DNAH9: variants seen among roughly 807,000 people sequenced by gnomAD.
The protein encoded by DNAH9 is DNAH9 variant protein.
Under a neutral mutation model 471.6 loss-of-function variants are expected in DNAH9, and 345 were observed. That is an observed-to-expected ratio of 0.73 (90% CI 0.67 to 0.80). DNAH9 has a LOEUF of 0.80. Among genes scored for constraint, DNAH9 ranks in the 30% least tolerant of loss-of-function variants. DNAH9 has a pLI of 0.00. For synonymous variants in DNAH9, 2,093 were observed against 2,123.6 expected, an observed-to-expected ratio of 0.99 and a Z score of 0.40; for missense variants, 5,407 against 5,609.2, an observed-to-expected ratio of 0.96 and a Z score of 1.15.
In DNAH9 at chr17:11,654,121, C is replaced by CTT. The variant is rs1567694351; in HGVS notation, c.2595+1119_2595+1120insTT. On this transcript the variant is annotated intron_variant, in intron 14 of 68. Coordinates refer to ENST00000262442, the MANE Select transcript of DNAH9 (RefSeq NM_001372.4). The stretch of plus-strand genomic sequence containing the variant: ...TTGTAATCCCAGCACTTTGGGAGGC[C>CTT]GAGGCGGGCGGATCACGAGGTCAGG... 3.0e-5 allele frequency among the ~76,000 whole-genome samples: 2 copies of CTT among 66,656 alleles called. 1 individual carries two copies. The highest frequency in any genetic ancestry group is 7.3e-5 in the Non-Finnish European group (2 of 27,384). The allele number at this position is 66,656 out of a possible 152,430, so 43.7% of individuals were successfully genotyped here.
chr17:11,685,891 G>A (rs578131940), intron 19 of DNAH9, among the ~76,000 whole-genome samples: 7 of 145,134 alleles, frequency 4.8e-5, no homozygotes, highest in Middle Eastern at 3.8e-3. Flanking sequence ...TGCAATCTCC[G>A]TCTCCCGGGT....
At chr17:11,634,029 T>G (rs2073116034) in intron 8 of DNAH9, among the ~76,000 whole-genome samples, 1 of 152,142 alleles carries the variant, frequency 6.6e-6, no homozygotes, top group Non-Finnish European at 1.5e-5. Context: ...GTTCCAGAAT[T>G]CCAATCCTTG....
At position 11,780,872 on chromosome 17, in the gene DNAH9, A is replaced by G. The variant is rs62063192; in HGVS notation, c.7553-137A>G. On this transcript the variant is annotated intron_variant, in intron 38 of 68. Coordinates refer to ENST00000262442, the MANE Select transcript of DNAH9 (RefSeq NM_001372.4). ...CCTGTTGGGAGCAGCAGTAGCTGTT[A>G]TTATTGTTGTCTTTCGCGTTGCTGT... The G allele has an allele frequency of 0.21, 181,169 of 849,870 alleles. 20,520 individuals carry two copies. The highest frequency in any genetic ancestry group is 0.33 in the African/African-American group (19,503 of 58,244). 52.6% of individuals were successfully genotyped at this position (849,870 alleles called of 1,614,324 possible). A position where few individuals can be genotyped will look rare whatever the true frequency, so the allele number is the denominator to read the frequency against.
chr17:11,907,605 C>T (rs188131218), intron 61 of DNAH9, among the ~76,000 whole-genome samples: 12 of 152,220 alleles, frequency 7.9e-5, no homozygotes, highest in Admixed American at 5.2e-4. Context: ...GGGGTCCATT[C>T]AGAATGGCTG....
chr17:11,672,800 A>G (rs1449592134), intron 17 of DNAH9, among the ~76,000 whole-genome samples: 1 of 152,110 alleles, frequency 6.6e-6, no homozygotes, highest in Admixed American at 6.5e-5. Flanking sequence ...GGGCTCAGAG[A>G]ATGATGGGGA....
At chr17:11,865,006 C>A (rs1971992213) in intron 50 of DNAH9, among the ~76,000 whole-genome samples, 1 of 152,116 alleles carries the variant, frequency 6.6e-6, no homozygotes, top group Non-Finnish European at 1.5e-5. Context: ...TTAATTGGAG[C>A]ATTTAGTCCA....
At chr17:11,903,016 A>T in intron 60 of DNAH9, 104 bp downstream of exon 60, 1 of 1,259,106 alleles carries the variant, frequency 7.9e-7, no homozygotes, top group Non-Finnish European at 1.1e-6. Flanking sequence ...TGTATATAGT[A>T]GTTTCCTGGA....
chr17:11,911,628 G>T (rs1973796371), intron 61 of DNAH9, among the ~76,000 whole-genome samples: 2 of 152,046 alleles, frequency 1.3e-5, no homozygotes, highest in African/African-American at 4.8e-5. Flanking sequence ...AATAAATGTA[G>T]CTTGAATTTC....
chr17:11,819,984 A>T (rs28657494), intron 45 of DNAH9, among the ~76,000 whole-genome samples: 7,539 of 152,164 alleles, frequency 0.05, 630 homozygotes, highest in African/African-American at 0.17. Context: ...TAATGATAAC[A>T]AGAAAACACA....
chr17:11,726,474 T>A (rs184426482), intron 27 of DNAH9, among the ~76,000 whole-genome samples: 1 of 152,292 alleles, frequency 6.6e-6, no homozygotes, highest in Admixed American at 6.5e-5. Context: ...TCGAAGAGCA[T>A]CTTTCAGGCC....
intron 1 of DNAH9, among the ~76,000 whole-genome samples, chr17:11,605,914 G>A (rs1480524613): frequency 6.6e-6 from 1 of 152,112 alleles, no homozygotes; most frequent in Non-Finnish European, 1.5e-5. Context: ...TGTACATTCA[G>A]TTATTTGATA....
chr17:11,797,088 A>G (rs1044559091), intron 42 of DNAH9, among the ~76,000 whole-genome samples: 9 of 152,204 alleles, frequency 5.9e-5, no homozygotes, highest in Non-Finnish European at 1.3e-4. Flanking sequence ...CGCATTCTTC[A>G]GAAACCAAGC....
rs1414023185 is a variant in DNAH9, at chr17:11,822,806, A to G, written c.9018A>G (p.Thr3006=). 3 of 1,614,146 alleles carry G rather than the reference A, an allele frequency of 1.9e-6. No individual in the cohort carries two copies. Among genetic ancestry groups the G allele is most frequent in the East Asian group, 2.2e-5 (1 of 44,898 alleles). The change falls in exon 48 of 69, where the codon ACA becomes ACG. Residue 3006 remains threonine (T), a synonymous_variant. Coordinates refer to ENST00000262442, the MANE Select transcript of DNAH9 (RefSeq NM_001372.4). ...FLQNTEGIEP[T]VKQSISKFMA... is the part of the protein sequence containing the mutation. ...TTCTTGCTCTTTGGTTTTAGCCCAC[A>G]GTAAAGCAGTCGATTAGCAAATTCA...
At chr17:11,903,921 G>GA (rs1304622901) in intron 60 of DNAH9, among the ~76,000 whole-genome samples, 7 of 45,284 alleles carry the variant, frequency 1.5e-4, no homozygotes, top group African/African-American at 4.2e-4. Flanking sequence ...AAAAAAGAAA[G>GA]AAGGAAGGAA....
intron 26 of DNAH9, among the ~76,000 whole-genome samples, chr17:11,706,664 G>A (rs1398908530): frequency 6.6e-6 from 1 of 152,104 alleles, no homozygotes; most frequent in African/African-American, 2.4e-5. Context: ...GATTCCAGTA[G>A]GATTTAAATA....
At chr17:11,685,181 C>T (rs1456530517) in intron 19 of DNAH9, among the ~76,000 whole-genome samples, 3 of 152,260 alleles carry the variant, frequency 2.0e-5, no homozygotes, top group Middle Eastern at 3.4e-3. Context: ...AGGCAGTTCA[C>T]ACCTCCCCTA....
chr17:11,748,148 C>CAAAAAAAA (rs71142241), intron 32 of DNAH9, among the ~76,000 whole-genome samples: 3 of 64,670 alleles, frequency 4.6e-5, no homozygotes, highest in African/African-American at 1.9e-4. Context: ...ACTAAAAATA[C>CAAAAAAAA]AAAAAAAAAA....
rs149155479 is a variant in DNAH9 at position 11,727,895 on chromosome 17, G to C, written c.5787G>C (p.Val1929=). ...GCFDEFNRIS[V]EVLSVVAVQV... ...TTGATGAGTTTAATCGAATCTCCGT[G>C]GAGGTCTTGTCAGTGGTGGCAGTGC... Residue 1929 remains valine (V), a synonymous_variant, in exon 28 of 69, where the codon GTG becomes GTC. Coordinates refer to ENST00000262442, the MANE Select transcript of DNAH9 (RefSeq NM_001372.4). The C allele has an allele frequency of 1.2e-6, 2 of 1,613,912 alleles. No homozygotes were observed. Among genetic ancestry groups the C allele is most frequent in the African/African-American group, 2.7e-5 (2 of 74,922 alleles).
intron 1 of DNAH9, among the ~76,000 whole-genome samples, chr17:11,602,734 G>T (rs996976597): frequency 5.9e-5 from 9 of 152,116 alleles, no homozygotes; most frequent in African/African-American, 2.2e-4. Context: ...TTGTCCTCCA[G>T]TGATCTTGTC....
Sources: gnomAD v4.1 joint callset for allele counts (sites outside exome capture counted in the v4.1 genomes callset) on GRCh38, gnomAD v4.1.1 for gene constraint, MANE v1.5 for transcripts, NCBI Gene and HGNC (gene_info 2026-07-23, HGNC 2026-07-21) for gene names.